Variants in CASR observed in about 807,000 individuals in gnomAD.
CASR encodes the protein calcium sensing receptor.
Under a neutral mutation model 69.1 loss-of-function variants are expected in CASR, and 23 were observed. That is an observed-to-expected ratio of 0.33 (90% CI 0.24 to 0.47). The LOEUF is 0.47. Ranked by LOEUF, CASR falls within the 20% of genes least tolerant of loss-of-function variation. The pLI is 1.00. For synonymous variants in CASR, 541 were observed against 544.7 expected, an observed-to-expected ratio of 0.99 and a Z score of 0.10; for missense variants, 924 against 1,356.1, an observed-to-expected ratio of 0.68 and a Z score of 5.00.
intron 1 of CASR, among the ~76,000 whole-genome samples, chr3:122,211,855 A>G (rs771240054): frequency 7.2e-5 from 11 of 152,254 alleles, no homozygotes; most frequent in Non-Finnish European, 1.0e-4. Context: ...CCAACCCACA[A>G]TGAGATATTA....
rs114411630 is a variant in CASR at position 122,265,483 on chromosome 3, A to G, written c.1377+3071A>G. ...CTGTACTCTAAGCTTCATAAGATCCAGAACCATGCCTGTATTGTTCAGTAC... is the reference window on the plus strand; with the variant it reads ...CTGTACTCTAAGCTTCATAAGATCCGGAACCATGCCTGTATTGTTCAGTAC... On this transcript the variant is annotated intron_variant, in intron 4 of 6. Coordinates refer to ENST00000639785, the MANE Select transcript of CASR (RefSeq NM_000388.4). 7.8e-3 allele frequency among the ~76,000 whole-genome samples: 1,185 copies of G among 152,306 alleles called. 11 individuals are homozygous for G. The highest frequency in any genetic ancestry group is 0.027 in the African/African-American group (1,138 of 41,560).
At chr3:122,207,549 T>G (rs2074019423) in intron 1 of CASR, among the ~76,000 whole-genome samples, 1 of 152,086 alleles carries the variant, frequency 6.6e-6, no homozygotes, top group Non-Finnish European at 1.5e-5. Context: ...ACATGGAAAT[T>G]AAACACTATG....
intron 1 of CASR, among the ~76,000 whole-genome samples, chr3:122,216,278 C>G (rs1452281973): frequency 6.6e-6 from 1 of 152,162 alleles, no homozygotes; most frequent in Non-Finnish European, 1.5e-5. Flanking sequence ...TCAGGGCTAC[C>G]TTGTCCTTGA....
At chr3:122,266,061 T>A (rs573779880) in intron 4 of CASR, among the ~76,000 whole-genome samples, 12 of 152,250 alleles carry the variant, frequency 7.9e-5, no homozygotes, top group Admixed American at 1.3e-4. Context: ...TTGTTCATTA[T>A]CTGTGTGACC....
chr3:122,193,928 G>C (rs376148857), intron 1 of CASR, among the ~76,000 whole-genome samples: 21 of 152,162 alleles, frequency 1.4e-4, no homozygotes, highest in African/African-American at 5.1e-4. Flanking sequence ...TCCTGGAAGG[G>C]ATAAAAACCC....
At chr3:122,282,434 A>C (rs905931863) in intron 6 of CASR, among the ~76,000 whole-genome samples, 198 bp downstream of exon 6, 6 of 152,254 alleles carry the variant, frequency 3.9e-5, no homozygotes, top group African/African-American at 1.4e-4. Context: ...TTAATACCAT[A>C]AAAGATAACA....
intron 4 of CASR, among the ~76,000 whole-genome samples, chr3:122,266,395 G>A (rs2074694694): frequency 6.6e-6 from 1 of 151,558 alleles, no homozygotes; most frequent in African/African-American, 2.4e-5. Context: ...CTTTGTGTCT[G>A]TATGTTATGT....
At chr3:122,264,272 A>T (rs181227258) in intron 4 of CASR, among the ~76,000 whole-genome samples, 1 of 152,348 alleles carries the variant, frequency 6.6e-6, no homozygotes, top group East Asian at 1.9e-4. Flanking sequence ...AGGTATTTTC[A>T]TCTCATCTTT....
intron 1 of CASR, among the ~76,000 whole-genome samples, chr3:122,207,337 A>G (rs1005628416): frequency 1.3e-5 from 2 of 152,170 alleles, no homozygotes; most frequent in African/African-American, 4.8e-5. Context: ...TGACATTTAT[A>G]GAACATTTCA....
At chr3:122,273,020 CT>C (rs2074777036) in intron 4 of CASR, among the ~76,000 whole-genome samples, 1 of 152,206 alleles carries the variant, frequency 6.6e-6, no homozygotes, top group Non-Finnish European at 1.5e-5. Context: ...CCCCTCCCCA[CT>C]TCTACCCTGA....
chr3:122,263,473 T>C (rs185611961), intron 4 of CASR, among the ~76,000 whole-genome samples: 1 of 152,374 alleles, frequency 6.6e-6, no homozygotes, highest in East Asian at 1.9e-4. Flanking sequence ...GTGATTATTA[T>C]AGTAGGATTT....
intron 1 of CASR, among the ~76,000 whole-genome samples, chr3:122,186,766 G>C (rs1236148191): frequency 6.6e-6 from 1 of 152,216 alleles, no homozygotes; most frequent in Non-Finnish European, 1.5e-5. Flanking sequence ...TTCAAAGATG[G>C]AGAGGAAGGT....
At chr3:122,232,072 CTTCAGCTTGTTGTA>C (rs1320744892) in intron 1 of CASR, among the ~76,000 whole-genome samples, 1 of 152,202 alleles carries the variant, frequency 6.6e-6, no homozygotes, top group Non-Finnish European at 1.5e-5. Context: ...AGCAGTTTTA[CTTCAGCTTGTTGTA>C]TTCTTTCCTT....
At chr3:122,221,008 C>G (rs989529517) in intron 1 of CASR, among the ~76,000 whole-genome samples, 4 of 152,138 alleles carry the variant, frequency 2.6e-5, no homozygotes, top group Non-Finnish European at 5.9e-5. Context: ...TTGTTTATGT[C>G]TGACCACTTC....
At chr3:122,247,899 C>T (rs1485967268) in intron 1 of CASR, 4 of 152,436 alleles carry the variant, frequency 2.6e-5, no homozygotes, top group Admixed American at 6.5e-5. Context: ...TAGCTTTTTC[C>T]AATGACTCAC....
intron 6 of CASR, 44 bp downstream of exon 6, chr3:122,282,280 T>C (rs1402668183): frequency 6.2e-7 from 1 of 1,604,554 alleles, no homozygotes; most frequent in Admixed American, 1.7e-5. Context: ...TTGGTCCACT[T>C]CGGAGGCCTG....
Position 122,285,090 on chromosome 3 carries a change from G to T in CASR, c.3136G>T (p.Asp1046Tyr). Residue 1046 changes from aspartate to tyrosine, a missense_variant, in exon 7 of 7, where the codon GAC (aspartate) becomes TAC (tyrosine). Physicochemically the swap from Asp to Tyr is radical, Grantham distance 160. This residue lies in a region of CASR where 201 missense variants were observed against 228.8 expected (regional missense o/e 0.88). Coordinates refer to ENST00000639785, the MANE Select transcript of CASR (RefSeq NM_000388.4). Reference sequence around the variant, plus strand: ...TGGAGACCAGCGGCCAGAGGTGGAGGACCCTGAAGAGTTGTCCCCAGCACT... The same window carrying T: ...TGGAGACCAGCGGCCAGAGGTGGAGTACCCTGAAGAGTTGTCCCCAGCACT... The part of the protein sequence containing the change: ...VGGDQRPEVE[D>Y]PEELSPALVV... The T allele has an allele frequency of 1.2e-6, 2 of 1,614,204 alleles. No homozygotes were observed. The highest frequency in any genetic ancestry group is 1.7e-6 in the Non-Finnish European group (2 of 1,180,016).
At chr3:122,242,784 G>A (rs1397018388) in intron 1 of CASR, among the ~76,000 whole-genome samples, 1 of 151,954 alleles carries the variant, frequency 6.6e-6, no homozygotes, top group Admixed American at 6.6e-5. Context: ...TGCTACAGAA[G>A]TATGGCAACC....
intron 1 of CASR, among the ~76,000 whole-genome samples, chr3:122,202,232 C>T (rs1210080536): frequency 6.6e-6 from 1 of 152,246 alleles, no homozygotes; most frequent in Non-Finnish European, 1.5e-5. Flanking sequence ...GCCCGGCCAA[C>T]ACAGCGAAAC....
Sources: gnomAD v4.1 joint callset for allele counts (sites outside exome capture counted in the v4.1 genomes callset) on GRCh38, gnomAD v4.1.1 for gene constraint, gnomAD v4.1.1 regional missense constraint, MANE v1.5 for transcripts, NCBI Gene and HGNC (gene_info 2026-07-23, HGNC 2026-07-21) for gene names.